The following YWHAH variants were observed in gnomAD, a reference collection of about 807,000 sequenced individuals.
The protein encoded by YWHAH is tyrosine 3-monooxygenase/tryptophan 5-monooxygenase activation protein eta.
In YWHAH, 6 loss-of-function variants were observed where a neutral mutation model predicts 22.9. The ratio of observed to expected loss-of-function variants is 0.26; its 90% CI spans 0.14 to 0.52. The LOEUF (loss-of-function observed/expected upper bound fraction) is 0.52, where lower values mean the gene tolerates loss of function less well. Among genes scored for constraint, YWHAH ranks in the 20% least tolerant of loss-of-function variants. YWHAH has a pLI of 0.97. For synonymous variants in YWHAH, 135 were observed against 124.5 expected (o/e 1.08, Z -0.56); for missense variants, 173 against 308.6 (o/e 0.56, Z 3.29).
chr22:31,950,477 A>G (rs969467068), intron 1 of YWHAH: 3 of 770,648 alleles, frequency 3.9e-6, no homozygotes, highest in Non-Finnish European at 7.3e-6. Context: ...GAAGCCTTCA[A>G]TTCGGATGCC....
chr22:31,948,387 TA>T (rs1345110980), intron 1 of YWHAH, among the ~76,000 whole-genome samples: 3 of 130,304 alleles, frequency 2.3e-5, no homozygotes, highest in Non-Finnish European at 3.4e-5. Context: ...GTGTGATTAG[TA>T]TTTTTTTTTT....
At chr22:31,944,942 G>GCCGC (rs141331119) in intron 1 of YWHAH, 122 bp downstream of exon 1, 2 of 1,120,860 alleles carry the variant, frequency 1.8e-6, no homozygotes, top group Non-Finnish European at 2.2e-6. Context: ...GCTGGGCGTG[G>GCCGC]CCGCCCGCCC....
At chr22:31,953,390 CTAAG>C (rs1029789955) in intron 1 of YWHAH, among the ~76,000 whole-genome samples, 1 of 152,198 alleles carries the variant, frequency 6.6e-6, no homozygotes, top group South Asian at 2.1e-4. Flanking sequence ...CGTTAAAAGA[CTAAG>C]TAGTTACTCA....
At chr22:31,954,647 G>C (rs866113913) in intron 1 of YWHAH, among the ~76,000 whole-genome samples, 6 of 152,122 alleles carry the variant, frequency 3.9e-5, no homozygotes, top group South Asian at 2.1e-4. Context: ...TCCTTCCTAG[G>C]CACTCTCCCA....
chr22:31,946,586 C>G (rs1052860776), intron 1 of YWHAH, among the ~76,000 whole-genome samples: 3 of 151,798 alleles, frequency 2.0e-5, no homozygotes, highest in Non-Finnish European at 2.9e-5. Flanking sequence ...AAAGGAGGGA[C>G]GAGGTTTAAA....
At chr22:31,946,816 A>G (rs1455169129) in intron 1 of YWHAH, among the ~76,000 whole-genome samples, 1 of 152,184 alleles carries the variant, frequency 6.6e-6, no homozygotes, top group Non-Finnish European at 1.5e-5. Context: ...CTGGAGGGTT[A>G]AGGTAGCCTT....
intron 1 of YWHAH, among the ~76,000 whole-genome samples, chr22:31,954,747 C>G (rs1025894251): frequency 1.3e-5 from 2 of 152,116 alleles, no homozygotes; most frequent in African/African-American, 2.4e-5. Flanking sequence ...TGGCATTCTT[C>G]CTGTGTGTGT....
At chr22:31,947,272 C>T (rs186556330) in intron 1 of YWHAH, 1 of 384,732 alleles carries the variant, frequency 2.6e-6, no homozygotes, top group Non-Finnish European at 5.3e-6. Flanking sequence ...TATTCTGATG[C>T]CACCAGTCTG....
chr22:31,944,582 C>T lies in YWHAH; in HGVS notation c.-152C>T, dbSNP rs879364752. On this transcript the variant is annotated 5_prime_UTR_variant, in exon 1 of 2. Coordinates refer to ENST00000248975, the MANE Select transcript of YWHAH (RefSeq NM_003405.4). Reference sequence around the variant, plus strand: ...GAGAGGGCGCGAGCGGCGGCGCTGCCTGCAGCCTGCAGCCTGCAGCCTCCG... The same window carrying T: ...GAGAGGGCGCGAGCGGCGGCGCTGCTTGCAGCCTGCAGCCTGCAGCCTCCG... The T allele has an allele frequency of 6.4e-6, 1 of 155,532 alleles. No individual in the cohort carries two copies. Among genetic ancestry groups the T allele is most frequent in the East Asian group, 1.1e-4 (1 of 8,812 alleles). The allele number at this position is 155,532 out of a possible 1,614,324, so 9.6% of individuals were successfully genotyped here.
intron 1 of YWHAH, among the ~76,000 whole-genome samples, chr22:31,949,192 T>C (rs1037913323): frequency 7.1e-6 from 1 of 141,590 alleles, no homozygotes; most frequent in African/African-American, 2.8e-5. Context: ...CAGGCTGGAG[T>C]ACAATGGAGC....
chr22:31,956,987 GC>G lies in YWHAH; in HGVS notation c.*198del. The G allele has an allele frequency of 1.5e-6, 1 of 655,672 alleles. No homozygotes were observed. The highest frequency in any genetic ancestry group is 1.8e-5 in the African/African-American group (1 of 55,226). The allele number at this position is 655,672 out of a possible 1,614,324, so 40.6% of individuals were successfully genotyped here. A position where few individuals can be genotyped will look rare whatever the true frequency, so the allele number is the denominator to read the frequency against. On this transcript the variant is annotated 3_prime_UTR_variant, in exon 2 of 2. Coordinates refer to ENST00000248975, the MANE Select transcript of YWHAH (RefSeq NM_003405.4). The surrounding 1 kb of genome is among the most constrained non-coding windows in gnomAD (Gnocchi z 5.1). ...ATTGCTGGACTGATGGTTGCTTTGA[GC>G]CCACAGGAGCTCCCTTTTTGAATTG... is the stretch of plus-strand genomic sequence containing the variant.
intron 1 of YWHAH, among the ~76,000 whole-genome samples, chr22:31,949,020 A>G (rs1302680785): frequency 1.3e-5 from 2 of 151,770 alleles, no homozygotes; most frequent in East Asian, 1.9e-4. Context: ...CTGGGATTTT[A>G]TATCAGTGAC....
At position 31,955,439 on chromosome 22, in the gene YWHAH, C is replaced by CTT. The variant is rs60830862; in HGVS notation, c.88-681_88-680dup. On this transcript the variant is annotated intron_variant, in intron 1 of 1. Coordinates refer to ENST00000248975, the MANE Select transcript of YWHAH (RefSeq NM_003405.4). ...CGTACGATCTTACTGTTCAGAGTAT[C>CTT]TTTTTTTTTTTTTTTTTTTTCTTTT... Among the ~76,000 whole-genome samples the CTT allele has an allele frequency of 5.3e-4, 67 of 126,740 alleles. 1 individual carries two copies. The East Asian group carries it at 9.0e-3, about 17-fold the overall frequency. 83.1% of individuals were successfully genotyped at this position (126,740 alleles called of 152,430 possible).
chr22:31,945,187 C>T, intron 1 of YWHAH: 8 of 1,111,462 alleles, frequency 7.2e-6, no homozygotes, highest in Non-Finnish European at 8.9e-6. Context: ...CCCGGGGGCT[C>T]CCCCTCTCGT....
chr22:31,949,674 TAACA>T (rs939458891), intron 1 of YWHAH, among the ~76,000 whole-genome samples: 2 of 152,204 alleles, frequency 1.3e-5, no homozygotes, highest in Non-Finnish European at 2.9e-5. Flanking sequence ...CATTCTTGTT[TAACA>T]ATTCAGGATA....
intron 1 of YWHAH, among the ~76,000 whole-genome samples, chr22:31,949,279 AC>A (rs2093839624): frequency 6.6e-6 from 1 of 151,118 alleles, no homozygotes; most frequent in South Asian, 2.1e-4. Flanking sequence ...AGCTGGGATT[AC>A]AGGCATGCAC....
At chr22:31,949,786 T>A (rs1267329817) in intron 1 of YWHAH, among the ~76,000 whole-genome samples, 1 of 152,216 alleles carries the variant, frequency 6.6e-6, no homozygotes, top group Admixed American at 6.5e-5. Flanking sequence ...AAACTCAAAT[T>A]TAGAGCTCTC....
rs754047554 is a variant in YWHAH, at chr22:31,956,687, C to T, written c.636C>T (p.Asn212=). 1.3e-4 allele frequency: 211 copies of T among 1,613,994 alleles called. No homozygotes were observed. Among genetic ancestry groups the T allele is most frequent in the Non-Finnish European group, 1.6e-4 (185 of 1,180,022 alleles). Residue 212 remains asparagine (N), a synonymous_variant, in exon 2 of 2, where the codon AAC becomes AAT. Transcript: ENST00000248975. This position sits in a 1 kb window ranked among gnomAD's most constrained non-coding sequence, Gnocchi z 5.1. Reference sequence around the variant, plus strand: ...CCATAGCTGAGCTGGACACACTAAACGAGGATTCCTATAAGGACTCCACGC... The same window carrying T: ...CCATAGCTGAGCTGGACACACTAAATGAGGATTCCTATAAGGACTCCACGC... The part of the protein sequence containing the change: ...DDAIAELDTL[N]EDSYKDSTLI...
intron 1 of YWHAH, among the ~76,000 whole-genome samples, chr22:31,955,351 A>G (rs532095162): frequency 1.0e-3 from 156 of 152,220 alleles, no homozygotes; most frequent in African/African-American, 3.6e-3. Context: ...TCCAGAGTAT[A>G]AAGCTGGAAG....
Sources: gnomAD v4.1 joint callset for allele counts (sites outside exome capture counted in the v4.1 genomes callset) on GRCh38, gnomAD v4.1.1 for gene constraint, Gnocchi (gnomAD v3.1) non-coding constraint, MANE v1.5 for transcripts, NCBI Gene and HGNC (gene_info 2026-07-23, HGNC 2026-07-21) for gene names.